TSHZ2: variants seen among roughly 807,000 people sequenced by gnomAD.
TSHZ2 encodes the protein teashirt homolog 2.
A neutral mutation model predicts 74.4 loss-of-function variants in TSHZ2; 21 were observed. That is an observed-to-expected ratio of 0.28 (90% CI 0.20 to 0.41). TSHZ2 has a LOEUF of 0.41. Among genes scored for constraint, TSHZ2 ranks in the 10% least tolerant of loss-of-function variants. The pLI, the probability that TSHZ2 is intolerant of heterozygous loss-of-function variation, is 1.00. For missense variants in TSHZ2, 1,244 were observed against 1,293.5 expected, an observed-to-expected ratio of 0.96 and a Z score of 0.59; for synonymous variants, 540 against 515.3, an observed-to-expected ratio of 1.05 and a Z score of -0.65.
chr20:53,053,464 T>C (rs1188176399), intron 1 of TSHZ2, among the ~76,000 whole-genome samples: 1 of 152,172 alleles, frequency 6.6e-6, no homozygotes, highest in Non-Finnish European at 1.5e-5. Flanking sequence ...GAGAACGGTC[T>C]AGGTAGCAGA....
At chr20:53,234,168 G>A (rs1280014281) in intron 1 of TSHZ2, among the ~76,000 whole-genome samples, 1 of 152,214 alleles carries the variant, frequency 6.6e-6, no homozygotes, top group African/African-American at 2.4e-5. Flanking sequence ...CTGAGCAAAT[G>A]TTGGAAGTCT....
chr20:52,996,140 T>C (rs1051986429), intron 1 of TSHZ2, among the ~76,000 whole-genome samples: 2 of 152,140 alleles, frequency 1.3e-5, no homozygotes, highest in African/African-American at 4.8e-5. Flanking sequence ...TCTGCATTTA[T>C]GCTTTGGGGC....
chr20:53,477,658 A>T (rs1335776633), intron 2 of TSHZ2, among the ~76,000 whole-genome samples: 1 of 149,496 alleles, frequency 6.7e-6, no homozygotes, highest in Non-Finnish European at 1.5e-5. Flanking sequence ...AAAATTGACA[A>T]TTGGGATCTA....
intron 2 of TSHZ2, among the ~76,000 whole-genome samples, chr20:53,394,761 C>CAAAAAAAAAAAAAAAAAA (rs3042185): frequency 6.4e-4 from 46 of 72,350 alleles, no homozygotes; most frequent in African/African-American, 2.4e-3. Context: ...CAATCTGTCT[C>CAAAAAAAAAAAAAAAAAA]AAAAAAAAAA....
intron 1 of TSHZ2, among the ~76,000 whole-genome samples, chr20:53,247,551 C>G (rs977942032): frequency 2.6e-5 from 4 of 152,178 alleles, no homozygotes; most frequent in African/African-American, 9.7e-5. Flanking sequence ...AACATACATA[C>G]TAACAGACTT....
intron 1 of TSHZ2, among the ~76,000 whole-genome samples, chr20:53,161,366 G>A (rs1000383524): frequency 6.6e-6 from 1 of 152,136 alleles, no homozygotes; most frequent in African/African-American, 2.4e-5. Flanking sequence ...AGACTGATGA[G>A]ACAGGGCTTT....
chr20:53,062,151 T>A (rs1600671288), intron 1 of TSHZ2, among the ~76,000 whole-genome samples: 1 of 152,198 alleles, frequency 6.6e-6, no homozygotes, highest in East Asian at 1.9e-4. Context: ...TAATCTCAAC[T>A]AAGCCACATC....
At chr20:53,325,785 TTTG>T (rs1033275826) in intron 2 of TSHZ2, among the ~76,000 whole-genome samples, 2 of 152,036 alleles carry the variant, frequency 1.3e-5, no homozygotes, top group Non-Finnish European at 2.9e-5. Flanking sequence ...TTTTTTTTGT[TTTG>T]TTTTGTTTTT....
intron 2 of TSHZ2, among the ~76,000 whole-genome samples, chr20:53,429,496 G>A (rs1051557231): frequency 6.6e-6 from 1 of 152,220 alleles, no homozygotes; most frequent in African/African-American, 2.4e-5. Context: ...AAAAACGGGA[G>A]TTTCCCTGCA....
chr20:53,187,885 C>G (rs1988638314), intron 1 of TSHZ2, among the ~76,000 whole-genome samples: 2 of 152,184 alleles, frequency 1.3e-5, no homozygotes, highest in South Asian at 4.1e-4. Flanking sequence ...TGCATACCTC[C>G]CATCTCCAAA....
intron 1 of TSHZ2, among the ~76,000 whole-genome samples, chr20:53,022,899 T>C (rs1334778767): frequency 1.3e-5 from 2 of 152,228 alleles, no homozygotes; most frequent in Non-Finnish European, 2.9e-5. Context: ...AATAATTACA[T>C]GAATAGGTCC....
chr20:53,013,967 T>A (rs1444683261), intron 1 of TSHZ2, among the ~76,000 whole-genome samples: 461 of 152,330 alleles, frequency 3.0e-3, no homozygotes, highest in African/African-American at 8.8e-3. Flanking sequence ...TACTTTCAAT[T>A]TCCTGCCTCG....
chr20:53,314,287 C>CAAAAAAAAA (rs5841941), intron 2 of TSHZ2, among the ~76,000 whole-genome samples: 4 of 131,706 alleles, frequency 3.0e-5, no homozygotes, highest in Admixed American at 7.7e-5. Context: ...GACTCTGTCT[C>CAAAAAAAAA]AAAAAAAAAA....
chr20:53,107,045 T>C (rs1986397960), intron 1 of TSHZ2, among the ~76,000 whole-genome samples: 1 of 152,168 alleles, frequency 6.6e-6, no homozygotes, highest in African/African-American at 2.4e-5. Flanking sequence ...TCTGCCTGTA[T>C]CTTTCCCGTT....
chr20:53,010,235 G>A (rs1405528415), intron 1 of TSHZ2, among the ~76,000 whole-genome samples: 3 of 152,212 alleles, frequency 2.0e-5, no homozygotes, highest in South Asian at 2.1e-4. Flanking sequence ...TACACACGTC[G>A]AAGTTTGAGA....
intron 2 of TSHZ2, among the ~76,000 whole-genome samples, chr20:53,336,696 CTG>C (rs1979961200): frequency 6.6e-6 from 1 of 152,130 alleles, no homozygotes; most frequent in Admixed American, 6.5e-5. Context: ...CTCACGTGCA[CTG>C]TGCAAGAGGA....
In TSHZ2 at chr20:53,369,653, G is replaced by A. The variant is rs144249454; in HGVS notation, c.*8+113082G>A. On this transcript the variant is annotated intron_variant, in intron 2 of 2. Coordinates refer to ENST00000371497, the MANE Select transcript of TSHZ2 (RefSeq NM_173485.6). ...TTGAACCTGGGAGGCAGAGTTTGCA[G>A]TGGGCGGAGATGGAACTACTGCACC... Among the ~76,000 whole-genome samples the A allele has an allele frequency of 3.2e-4, 49 of 152,228 alleles. 1 individual carries two copies. In the East Asian group the frequency reaches 8.7e-3, roughly 27 times the overall value.
At chr20:53,036,090 G>A (rs1444257995) in intron 1 of TSHZ2, among the ~76,000 whole-genome samples, 4 of 151,874 alleles carry the variant, frequency 2.6e-5, no homozygotes, top group African/African-American at 7.3e-5. Flanking sequence ...TCCGCTTCTC[G>A]ACCACAGAAA....
intron 1 of TSHZ2, among the ~76,000 whole-genome samples, chr20:53,014,827 T>C (rs1446917294): frequency 6.6e-6 from 1 of 152,202 alleles, no homozygotes; most frequent in Non-Finnish European, 1.5e-5. Context: ...TCCACCTCCC[T>C]GAAGCCCCAG....
Sources: gnomAD v4.1 joint callset for allele counts (sites outside exome capture counted in the v4.1 genomes callset) on GRCh38, gnomAD v4.1.1 for gene constraint, MANE v1.5 for transcripts, NCBI Gene and HGNC (gene_info 2026-07-23, HGNC 2026-07-21) for gene names.